Variants in PRKCA observed in about 807,000 individuals in gnomAD.
The protein encoded by PRKCA is protein kinase C alpha, also known as protein kinase C alpha type.
Under a neutral mutation model 87.0 loss-of-function variants are expected in PRKCA, and 27 were observed. The ratio of observed to expected loss-of-function variants is 0.31; its 90% CI spans 0.23 to 0.43. PRKCA has a LOEUF of 0.43. Among genes scored for constraint, PRKCA ranks in the 20% least tolerant of loss-of-function variants. PRKCA has a pLI of 1.00. For missense variants in PRKCA, 518 were observed against 852.3 expected (o/e 0.61, Z 4.88); for synonymous variants, 329 against 311.1 (o/e 1.06, Z -0.61).
intron 2 of PRKCA, chr17:66,398,187 T>C (rs545243296): frequency 2.0e-5 from 3 of 152,250 alleles, no homozygotes; most frequent in East Asian, 3.9e-4. Flanking sequence ...CCAGAACCCA[T>C]GGTCGAAGTC....
chr17:66,374,874 C>G (rs1389727692), intron 2 of PRKCA, among the ~76,000 whole-genome samples: 1 of 151,926 alleles, frequency 6.6e-6, no homozygotes, highest in Non-Finnish European at 1.5e-5. Context: ...ACTACAGGCA[C>G]TTGCCACCAT....
Position 66,799,694 on chromosome 17 carries a change from G to A in PRKCA, c.1855-4179G>A, listed in dbSNP as rs571933308. 6.7e-5 allele frequency among the ~76,000 whole-genome samples: 10 copies of A among 150,032 alleles called. No homozygotes were observed. In the South Asian group the frequency reaches 8.4e-4, roughly 13 times the overall value. On this transcript the variant is annotated intron_variant, in intron 16 of 16. Transcript: ENST00000413366. The stretch of plus-strand genomic sequence containing the variant: ...GGTGGTGGTGGTAATGGTGGTGGTG[G>A]TGGTGATGAGGGTAGTTTTCCACAT...
chr17:66,340,573 A>AT (rs1191983865), intron 2 of PRKCA, among the ~76,000 whole-genome samples: 9 of 151,932 alleles, frequency 5.9e-5, no homozygotes, highest in Non-Finnish European at 1.3e-4. Flanking sequence ...GCTGCTTGAC[A>AT]TTTTTTTGTT....
intron 2 of PRKCA, among the ~76,000 whole-genome samples, chr17:66,306,764 A>T (rs1457189631): frequency 6.6e-6 from 1 of 152,122 alleles, no homozygotes; most frequent in Non-Finnish European, 1.5e-5. Flanking sequence ...TTTCACACAC[A>T]TCGAATATCT....
Position 66,587,891 on chromosome 17 carries a change from GTGTGTATATATATATATATATA to G in PRKCA, c.289-53462_289-53441del, listed in dbSNP as rs905076694. 1.0e-3 allele frequency among the ~76,000 whole-genome samples: 89 copies of G among 87,138 alleles called. 3 individuals carry two copies. Among genetic ancestry groups the G allele is most frequent in the Non-Finnish European group, 1.4e-3 (65 of 45,756 alleles). The allele number at this position is 87,138 out of a possible 152,430, so 57.2% of individuals were successfully genotyped here. A position where few individuals can be genotyped will look rare whatever the true frequency, so the allele number is the denominator to read the frequency against. On this transcript the variant is annotated intron_variant, in intron 3 of 16. Coordinates refer to ENST00000413366, the MANE Select transcript of PRKCA (RefSeq NM_002737.3). ...TGTATGTGTGTGTGTGTGTGTGTGT[GTGTGTATATATATATATATATA>G]TATATATATATATATATATCCTGCA...
At chr17:66,784,673 G>A (rs149238657) in intron 14 of PRKCA, among the ~76,000 whole-genome samples, 4 of 152,246 alleles carry the variant, frequency 2.6e-5, no homozygotes, top group Non-Finnish European at 4.4e-5. Context: ...AGCAGGCTGC[G>A]TGCTGTTAGG....
intron 3 of PRKCA, among the ~76,000 whole-genome samples, chr17:66,590,576 T>C (rs903639644): frequency 4.6e-5 from 7 of 152,120 alleles, no homozygotes; most frequent in African/African-American, 1.7e-4. Context: ...GGTCTGGACG[T>C]AGTGGCTCAC....
chr17:66,314,899 G>GTT (rs995784305), intron 2 of PRKCA, among the ~76,000 whole-genome samples: 1 of 143,390 alleles, frequency 7.0e-6, no homozygotes, highest in African/African-American at 2.6e-5. Flanking sequence ...GTGTGTGTGT[G>GTT]TGTATGTATG....
chr17:66,709,077 A>G (rs961138205), intron 8 of PRKCA, among the ~76,000 whole-genome samples: 2 of 152,154 alleles, frequency 1.3e-5, no homozygotes, highest in African/African-American at 4.8e-5. Flanking sequence ...CTGAGCACGT[A>G]GGATTGGTTT....
chr17:66,711,446 G>A (rs1325759422), intron 8 of PRKCA, among the ~76,000 whole-genome samples: 1 of 152,028 alleles, frequency 6.6e-6, no homozygotes, highest in South Asian at 2.1e-4. Flanking sequence ...CAACTCAATC[G>A]TTGCAATCTA....
chr17:66,372,318 G>T (rs1332266509), intron 2 of PRKCA, among the ~76,000 whole-genome samples: 1 of 152,170 alleles, frequency 6.6e-6, no homozygotes, highest in Non-Finnish European at 1.5e-5. Flanking sequence ...TCACCTACAA[G>T]ATGTGCATGT....
At chr17:66,715,142 T>C (rs1841918178) in intron 8 of PRKCA, among the ~76,000 whole-genome samples, 2 of 151,966 alleles carry the variant, frequency 1.3e-5, no homozygotes, top group African/African-American at 2.4e-5. Flanking sequence ...TTTTTTTTTT[T>C]TCTCTGTGAG....
At chr17:66,662,869 T>TG (rs1971945567) in intron 5 of PRKCA, among the ~76,000 whole-genome samples, 1 of 152,216 alleles carries the variant, frequency 6.6e-6, no homozygotes. Context: ...AGACAGATAC[T>TG]GATAGTCTCT....
chr17:66,396,931 G>A (rs1402373994), intron 2 of PRKCA, among the ~76,000 whole-genome samples: 1 of 140,192 alleles, frequency 7.1e-6, no homozygotes. Flanking sequence ...ACTAGTAGAA[G>A]CAATCATTCA....
intron 1 of PRKCA, among the ~76,000 whole-genome samples, chr17:66,303,235 C>T (rs1239180704): frequency 6.6e-6 from 1 of 152,094 alleles, no homozygotes; most frequent in African/African-American, 2.4e-5. Flanking sequence ...ACACACACCC[C>T]CTGGCGCGAG....
chr17:66,576,711 AAC>A (rs952216304), intron 3 of PRKCA, among the ~76,000 whole-genome samples: 3 of 152,112 alleles, frequency 2.0e-5, no homozygotes, highest in African/African-American at 7.2e-5. Flanking sequence ...TTCAGTAGGG[AAC>A]ACACACAGAG....
chr17:66,568,650 C>T (rs563043973), intron 3 of PRKCA, among the ~76,000 whole-genome samples: 148 of 152,194 alleles, frequency 9.7e-4, no homozygotes, highest in African/African-American at 3.4e-3. Flanking sequence ...AGTACATAAA[C>T]AGTTCATTGT....
intron 2 of PRKCA, among the ~76,000 whole-genome samples, chr17:66,440,564 G>A (rs944035407): frequency 4.6e-5 from 7 of 152,082 alleles, no homozygotes; most frequent in African/African-American, 1.2e-4. Flanking sequence ...GAGCCACAGC[G>A]GCAGTGAGTG....
chr17:66,556,323 C>CTTTTT lies in PRKCA; in HGVS notation c.288+60054_288+60058dup, dbSNP rs61549626. 1.2e-3 allele frequency among the ~76,000 whole-genome samples: 157 copies of CTTTTT among 128,702 alleles called. 1 individual carries two copies. Among genetic ancestry groups the CTTTTT allele is most frequent in the South Asian group, 2.2e-3 (9 of 4,058 alleles). 84.4% of individuals were successfully genotyped at this position (128,702 alleles called of 152,430 possible). A position where few individuals can be genotyped will look rare whatever the true frequency, so the allele number is the denominator to read the frequency against. ...TGAGAATAATCTTTTCTTTCTTCTT[C>CTTTTT]TTTTTTTTTTTTTTTTTTGGTCAAG... is the stretch of plus-strand genomic sequence containing the variant. On this transcript the variant is annotated intron_variant, in intron 3 of 16. Coordinates refer to ENST00000413366, the MANE Select transcript of PRKCA (RefSeq NM_002737.3).
Sources: allele counts gnomAD v4.1 joint callset (sites outside exome capture counted in the v4.1 genomes callset), GRCh38; gene constraint gnomAD v4.1.1; transcripts MANE v1.5; gene names NCBI Gene and HGNC (gene_info 2026-07-23, HGNC 2026-07-21).